Variants in ABCA10 observed in about 807,000 individuals in gnomAD.
ABCA10 encodes ATP binding cassette subfamily A member 10, also known as ATP-binding cassette sub-family A member 10.
ABCA10 carries 169 observed loss-of-function variants against 187.5 expected under a neutral mutation model. The ratio of observed to expected loss-of-function variants is 0.90; its 90% CI spans 0.80 to 1.02. The LOEUF is 1.02. Among genes scored for constraint, ABCA10 ranks in the 50% least tolerant of loss-of-function variants. The probability of loss-of-function intolerance (pLI) is 0.00; values close to 1 mark genes in which losing one functional copy is unlikely to be tolerated. For missense variants in ABCA10, 1,727 were observed against 1,812.4 expected (o/e 0.95, Z 0.86); for synonymous variants, 574 against 601.8 (o/e 0.95, Z 0.68).
At chr17:69,244,594 G>A (rs975802913) in exon 1 of ABCA10, 2 of 151,510 alleles carry the variant, frequency 1.3e-5, no homozygotes, top group Non-Finnish European at 3.0e-5. Context: ...TAGGAAATAA[G>A]CTATTTCAGG....
intron 25 of ABCA10, among the ~76,000 whole-genome samples, chr17:69,171,950 A>AAT (rs2144776406): frequency 6.6e-6 from 1 of 151,912 alleles, no homozygotes; most frequent in East Asian, 1.9e-4. Context: ...AAAAAAAAAA[A>AAT]AAAGATTGAT....
chr17:69,205,586 C>T (rs377325057), intron 9 of ABCA10, among the ~76,000 whole-genome samples: 37 of 152,298 alleles, frequency 2.4e-4, no homozygotes, highest in African/African-American at 8.7e-4. Context: ...AGTCCAAATT[C>T]TGCTAAGTGT....
chr17:69,197,009 A>AGGGGG lies in ABCA10; in HGVS notation c.1234+54_1234+55insCCCCC, dbSNP rs1555661565. 8.3e-5 allele frequency: 93 copies of AGGGGG among 1,113,890 alleles called. 1 individual carries two copies. In the East Asian group the frequency reaches 2.3e-3, roughly 27 times the overall value. The allele number at this position is 1,113,890 out of a possible 1,614,324, so 69.0% of individuals were successfully genotyped here. A position where few individuals can be genotyped will look rare whatever the true frequency, so the allele number is the denominator to read the frequency against. ...GGCATCAGAGGGAGACCGTGGACAG[A>AGGGGG]GGGAGGGGGAGGGGGAGAGGGAGAG... On this transcript the variant is annotated intron_variant, in intron 11 of 38. Coordinates refer to ENST00000690296, the MANE Select transcript of ABCA10 (RefSeq NM_001377321.1).
intron 24 of ABCA10, 34 bp from the exon 25 acceptor site, chr17:69,174,428 A>C (rs2074318642): frequency 6.5e-7 from 1 of 1,531,736 alleles, no homozygotes; most frequent in African/African-American, 1.4e-5. Flanking sequence ...CAAGATTAGA[A>C]ATGGCAGGTC....
In ABCA10 at chr17:69,164,010, A is replaced by G. The variant is rs904962363; in HGVS notation, c.3363+64T>C. The G allele has an allele frequency of 3.8e-6, 5 of 1,324,856 alleles. No individual in the cohort carries two copies. In the African/African-American group the frequency reaches 4.6e-5, roughly 12 times the overall value. The allele number at this position is 1,324,856 out of a possible 1,614,324, so 82.1% of individuals were successfully genotyped here. A position where few individuals can be genotyped will look rare whatever the true frequency, so the allele number is the denominator to read the frequency against. ...GACATTTAAATTTGGCATACCTTGAATAAGATTTCACGGGGCTATGAATCT... is the reference window on the plus strand; with the variant it reads ...GACATTTAAATTTGGCATACCTTGAGTAAGATTTCACGGGGCTATGAATCT... On this transcript the variant is annotated intron_variant, in intron 27 of 38. Transcript: ENST00000690296.
chr17:69,201,723 A>T, intron 9 of ABCA10, 55 bp from the exon 10 acceptor site: 2 of 1,358,332 alleles, frequency 1.5e-6, no homozygotes. Context: ...ACCAATAAAA[A>T]GGGACATCTG....
chr17:69,164,827 T>A (rs1399848029), intron 26 of ABCA10, 137 bp downstream of exon 26: 2 of 1,186,420 alleles, frequency 1.7e-6, no homozygotes, highest in African/African-American at 3.1e-5. Context: ...TATACAGCTT[T>A]AAAATCTTAT....
Position 69,222,696 on chromosome 17 carries a change from T to C in ABCA10, c.36A>G (p.Gly12=). Residue 12 remains glycine (G), a splice_region_variant and synonymous_variant, in exon 4 of 39, where the codon GGA becomes GGG. Coordinates refer to ENST00000690296, the MANE Select transcript of ABCA10 (RefSeq NM_001377321.1). Reference sequence around the variant, plus strand: ...CATCTGGTGTCCCAATGACTGTTCTTCCTACCATGTATGAAAAACATAAAT... The same window carrying C: ...CATCTGGTGTCCCAATGACTGTTCTCCCTACCATGTATGAAAAACATAAAT... ...NKMALASFMK[G]RTVIGTPDEE... is the part of the protein sequence containing the mutation. 1 of 1,560,028 alleles carries C rather than the reference T, an allele frequency of 6.4e-7. No individual in the cohort carries two copies. Among genetic ancestry groups the C allele is most frequent in the Non-Finnish European group, 8.6e-7 (1 of 1,163,916 alleles).
intron 1 of ABCA10, among the ~76,000 whole-genome samples, chr17:69,238,871 T>C (rs1057441672): frequency 1.3e-5 from 2 of 152,196 alleles, no homozygotes; most frequent in African/African-American, 4.8e-5. Context: ...AACCTTCTGA[T>C]CACCCATCAT....
chr17:69,153,714 C>G, intron 32 of ABCA10, 117 bp downstream of exon 32: 2 of 1,453,006 alleles, frequency 1.4e-6, no homozygotes, highest in Non-Finnish European at 1.8e-6. Flanking sequence ...GTATTTGAAT[C>G]ATTTTATTTG....
At chr17:69,152,537 A>G in intron 34 of ABCA10, 56 bp from the exon 35 acceptor site, 1 of 1,552,000 alleles carries the variant, frequency 6.4e-7, no homozygotes, top group Non-Finnish European at 8.7e-7. Context: ...GGAAATAGAT[A>G]AATAGAAAAA....
At chr17:69,190,971 G>A (rs1224659982) in intron 17 of ABCA10, among the ~76,000 whole-genome samples, 1 of 152,036 alleles carries the variant, frequency 6.6e-6, no homozygotes, top group Non-Finnish European at 1.5e-5. Flanking sequence ...GTGCAAATCG[G>A]GGTTTCTATA....
chr17:69,176,194 G>C (rs936279268), intron 22 of ABCA10, among the ~76,000 whole-genome samples: 6 of 152,114 alleles, frequency 3.9e-5, no homozygotes, highest in African/African-American at 9.7e-5. Context: ...ATTTGTTCCA[G>C]TTCCCTATTT....
chr17:69,208,853 G>A (rs150521525), intron 9 of ABCA10, among the ~76,000 whole-genome samples: 2 of 151,974 alleles, frequency 1.3e-5, no homozygotes, highest in Non-Finnish European at 2.9e-5. Context: ...CCTGGGCAAC[G>A]TAGCAAGACC....
intron 19 of ABCA10, 100 bp downstream of exon 19, chr17:69,187,581 A>G: frequency 7.8e-7 from 1 of 1,284,970 alleles, no homozygotes; most frequent in African/African-American, 1.5e-5. Flanking sequence ...CATACAAAAA[A>G]ACTGTTAAAT....
intron 9 of ABCA10, among the ~76,000 whole-genome samples, chr17:69,207,977 A>C (rs1382658140): frequency 6.6e-6 from 1 of 152,260 alleles, no homozygotes; most frequent in East Asian, 1.9e-4. Context: ...AATTAGCTAG[A>C]TTTGACTAAG....
At chr17:69,170,734 T>C (rs2074292129) in intron 25 of ABCA10, among the ~76,000 whole-genome samples, 1 of 148,904 alleles carries the variant, frequency 6.7e-6, no homozygotes, top group African/African-American at 2.5e-5. Context: ...GTCCCTTACA[T>C]ACACTGCTAG....
intron 24 of ABCA10, 95 bp from the exon 25 acceptor site, chr17:69,174,489 A>AATTTTCTT: frequency 6.9e-7 from 1 of 1,448,514 alleles, no homozygotes; most frequent in East Asian, 2.3e-5. Context: ...TGCCTAAGGC[A>AATTTTCTT]ATTTTCTTAT....
intron 16 of ABCA10, among the ~76,000 whole-genome samples, chr17:69,191,813 C>T (rs1425399474): frequency 2.0e-5 from 3 of 152,196 alleles, no homozygotes; most frequent in African/African-American, 2.4e-5. Flanking sequence ...GCTTTCTATG[C>T]ATTAAGTGGT....
Sources: allele counts gnomAD v4.1 joint callset (sites outside exome capture counted in the v4.1 genomes callset), GRCh38; gene constraint gnomAD v4.1.1; transcripts MANE v1.5; gene names NCBI Gene and HGNC (gene_info 2026-07-23, HGNC 2026-07-21).